The following MACROD2 variants were observed in gnomAD, a reference collection of about 807,000 sequenced individuals.
MACROD2 encodes the protein ADP-ribose glycohydrolase MACROD2.
A neutral mutation model predicts 70.4 loss-of-function variants in MACROD2; 36 were observed. The ratio of observed to expected loss-of-function variants is 0.51; its 90% confidence interval spans 0.39 to 0.68. MACROD2 has a LOEUF of 0.68. MACROD2 is among the 30% of genes least tolerant of loss of function. MACROD2 has a pLI of 0.00. For synonymous variants in MACROD2, 172 were observed against 178.8 expected (o/e 0.96, Z 0.30); for missense variants, 496 against 538.4 (o/e 0.92, Z 0.78).
intron 4 of MACROD2, among the ~76,000 whole-genome samples, chr20:14,496,362 G>A (rs1434056444): frequency 6.6e-6 from 1 of 152,140 alleles, no homozygotes; most frequent in Non-Finnish European, 1.5e-5. Context: ...TATTCTATAT[G>A]AGTAGTACCT....
chr20:14,580,683 A>G (rs1166420418), intron 4 of MACROD2, among the ~76,000 whole-genome samples: 5 of 152,226 alleles, frequency 3.3e-5, no homozygotes, highest in Non-Finnish European at 7.3e-5. Flanking sequence ...ATAGCTAAAA[A>G]TGAAAACTAG....
At chr20:15,622,930 T>C (rs552391050) in intron 8 of MACROD2, among the ~76,000 whole-genome samples, 1 of 152,358 alleles carries the variant, frequency 6.6e-6, no homozygotes, top group Non-Finnish European at 1.5e-5. Context: ...AAGAGTTCAG[T>C]ACTATCCTTA....
chr20:15,697,716 T>C (rs1452472486), intron 8 of MACROD2, among the ~76,000 whole-genome samples: 2 of 152,194 alleles, frequency 1.3e-5, no homozygotes, highest in Admixed American at 6.5e-5. Flanking sequence ...TTAGTAATCG[T>C]TTTATAAATT....
At chr20:15,275,384 G>C (rs1281580331) in intron 6 of MACROD2, among the ~76,000 whole-genome samples, 1 of 152,160 alleles carries the variant, frequency 6.6e-6, no homozygotes, top group Non-Finnish European at 1.5e-5. Context: ...TAAGGAGGGG[G>C]GTAATTAGTA....
intron 5 of MACROD2, among the ~76,000 whole-genome samples, chr20:14,835,415 A>G (rs567060913): frequency 4.7e-4 from 72 of 152,226 alleles, no homozygotes; most frequent in African/African-American, 1.7e-3. Flanking sequence ...GAAGTACCCT[A>G]TTTAGAGGAA....
intron 5 of MACROD2, among the ~76,000 whole-genome samples, chr20:14,799,295 G>C (rs1210743376): frequency 1.3e-5 from 2 of 151,832 alleles, no homozygotes; most frequent in African/African-American, 4.8e-5. Flanking sequence ...ATTTTAATTT[G>C]AGAAATCCCA....
At chr20:15,878,524 A>C (rs2064707572) in intron 9 of MACROD2, among the ~76,000 whole-genome samples, 1 of 151,988 alleles carries the variant, frequency 6.6e-6, no homozygotes, top group South Asian at 2.1e-4. Context: ...ACCTTAAATA[A>C]AGTTCTACGG....
intron 2 of MACROD2, among the ~76,000 whole-genome samples, chr20:14,011,917 T>C (rs1011009651): frequency 1.3e-5 from 2 of 151,018 alleles, no homozygotes; most frequent in African/African-American, 4.9e-5. Flanking sequence ...GCGACTTTTC[T>C]TTTTTTTTAA....
chr20:15,860,670 T>C (rs2064413142), intron 8 of MACROD2, among the ~76,000 whole-genome samples: 1 of 152,184 alleles, frequency 6.6e-6, no homozygotes. Flanking sequence ...CTATTAGCCA[T>C]TTGCCATGTT....
At chr20:15,900,542 G>A (rs1474701113) in intron 10 of MACROD2, among the ~76,000 whole-genome samples, 1 of 152,176 alleles carries the variant, frequency 6.6e-6, no homozygotes, top group Admixed American at 6.6e-5. Flanking sequence ...CTGTTTCAGA[G>A]TCAGCTCTAG....
intron 7 of MACROD2, among the ~76,000 whole-genome samples, chr20:15,475,484 A>G (rs1045508779): frequency 3.3e-5 from 5 of 152,240 alleles, no homozygotes; most frequent in Non-Finnish European, 5.9e-5. Flanking sequence ...ATCCAGGAAA[A>G]TCACATTCAG....
chr20:15,397,698 A>G (rs563151907), intron 6 of MACROD2, among the ~76,000 whole-genome samples: 1 of 152,322 alleles, frequency 6.6e-6, no homozygotes, highest in Non-Finnish European at 1.5e-5. Flanking sequence ...TATATTCTTG[A>G]GATATAGGAA....
chr20:15,048,163 C>G (rs1748676671), intron 5 of MACROD2, among the ~76,000 whole-genome samples: 1 of 147,476 alleles, frequency 6.8e-6, no homozygotes, highest in African/African-American at 2.4e-5. Context: ...GTAGACCCAG[C>G]TGCTCAGGAG....
At chr20:14,982,498 A>G (rs1427937778) in intron 5 of MACROD2, among the ~76,000 whole-genome samples, 1 of 152,118 alleles carries the variant, frequency 6.6e-6, no homozygotes, top group Non-Finnish European at 1.5e-5. Context: ...AAATGGTTTA[A>G]TGGGCCACAC....
In MACROD2 at chr20:14,725,223, T is replaced by G. The variant is rs144575945; in HGVS notation, c.418+40264T>G. 3.9e-5 allele frequency among the ~76,000 whole-genome samples: 6 copies of G among 152,304 alleles called. No individual in the cohort carries two copies. In the East Asian group the frequency reaches 1.2e-3, roughly 29 times the overall value. On this transcript the variant is annotated intron_variant, in intron 5 of 17. Transcript: ENST00000684519. ...TAACAAGAGTTGTTTCTTGGCCTTG[T>G]TAACAGCTACTTCAGGGTATTAAGT... is the stretch of plus-strand genomic sequence containing the variant.
intron 5 of MACROD2, among the ~76,000 whole-genome samples, chr20:14,993,234 A>C (rs2074920671): frequency 6.6e-6 from 1 of 151,514 alleles, no homozygotes; most frequent in African/African-American, 2.4e-5. Context: ...AATTCAGATT[A>C]CATGCAACCA....
At chr20:14,569,000 G>A (rs1980000603) in intron 4 of MACROD2, among the ~76,000 whole-genome samples, 1 of 151,920 alleles carries the variant, frequency 6.6e-6, no homozygotes, top group Non-Finnish European at 1.5e-5. Flanking sequence ...ATCTATCTTT[G>A]AAGTGCCAAG....
At chr20:15,435,850 A>G (rs1179332389) in intron 7 of MACROD2, among the ~76,000 whole-genome samples, 2 of 152,156 alleles carry the variant, frequency 1.3e-5, no homozygotes, top group East Asian at 1.9e-4. Flanking sequence ...ATTGTCAGGC[A>G]TGGCATTAAT....
rs565774738 is a variant in MACROD2 at position 14,460,975 on chromosome 20, G to A, written c.272-32504G>A. On this transcript the variant is annotated intron_variant, in intron 3 of 17. Coordinates refer to ENST00000684519, the MANE Select transcript of MACROD2 (RefSeq NM_001351661.2). Reference sequence around the variant, plus strand: ...AGGATTCCCCCCTTTTTTTTTTATCGTTCGGAATAGTTTCAGAGGGAATGG... The same window carrying A: ...AGGATTCCCCCCTTTTTTTTTTATCATTCGGAATAGTTTCAGAGGGAATGG... Among the ~76,000 whole-genome samples, 8 of 150,536 alleles carry A rather than the reference G, an allele frequency of 5.3e-5. No individual in the cohort carries two copies. The South Asian group carries it at 1.0e-3, about 20-fold the overall frequency.
Sources: allele counts gnomAD v4.1 joint callset (sites outside exome capture counted in the v4.1 genomes callset), GRCh38; gene constraint gnomAD v4.1.1; transcripts MANE v1.5; gene names NCBI Gene and HGNC (gene_info 2026-07-23, HGNC 2026-07-21).